LRRC56: variants seen among roughly 807,000 people sequenced by gnomAD.
LRRC56 encodes the protein leucine rich repeat containing 56.
Under a neutral mutation model 47.8 loss-of-function variants are expected in LRRC56, and 41 were observed. The observed-to-expected ratio is 0.86, with a 90% CI of 0.67 to 1.11. The LOEUF (loss-of-function observed/expected upper bound fraction) is 1.11, where lower values mean the gene tolerates loss of function less well. LRRC56 is among the 50% of genes most tolerant of loss of function. LRRC56 has a pLI of 0.00. For missense variants in LRRC56, 759 were observed against 704.2 expected (o/e 1.08, Z -0.88); for synonymous variants, 387 against 311.2 (o/e 1.24, Z -2.56).
In LRRC56 at chr11:554,353, C is replaced by T; in HGVS notation, c.*77C>T. 1 of 1,300,492 alleles carries T rather than the reference C, an allele frequency of 7.7e-7. No homozygotes were observed. The highest frequency in any genetic ancestry group is 1.5e-5 in the African/African-American group (1 of 65,818). 80.6% of individuals were successfully genotyped at this position (1,300,492 alleles called of 1,614,324 possible). On this transcript the variant is annotated 3_prime_UTR_variant, in exon 14 of 14. Transcript: ENST00000270115. ...TATGTGGTCACAGAGCACAGAATACCTGGGCGGGTGTGTTGGGGGGTGGAA... is the reference window on the plus strand; with the variant it reads ...TATGTGGTCACAGAGCACAGAATACTTGGGCGGGTGTGTTGGGGGGTGGAA...
intron 8 of LRRC56, 113 bp from the exon 9 acceptor site, chr11:551,018 G>A (rs1852353137): frequency 1.1e-5 from 7 of 614,328 alleles, no homozygotes; most frequent in Non-Finnish European, 2.8e-6. Flanking sequence ...CCCACCTCTG[G>A]GCCCCTGCCC....
chr11:535,064 G>A (rs1166318837), upstream of LRRC56, among the ~76,000 whole-genome samples: 1 of 152,034 alleles, frequency 6.6e-6, no homozygotes, highest in Non-Finnish European at 1.5e-5. Flanking sequence ...CTGAATCGGG[G>A]GTGCCCGGGC....
At chr11:531,715 A>G in the LRRC56 span, among the ~76,000 whole-genome samples, 1 of 152,224 alleles carries the variant, frequency 6.6e-6, no homozygotes, top group Non-Finnish European at 1.5e-5. Context: ...CCGACCACCA[A>G]TGAGGCAGAG....
Position 552,634 on chromosome 11 carries a change from G to A in LRRC56, c.1247G>A (p.Arg416Lys), listed in dbSNP as rs1852471571. 6.2e-7 allele frequency: 1 copy of A among 1,611,560 alleles called. No homozygotes were observed. The highest frequency in any genetic ancestry group is 1.1e-5 in the South Asian group (1 of 90,994). Reference protein sequence around the residue: ...EGAVAPWGPRRVPEEQVHQAE... With the variant: ...EGAVAPWGPRKVPEEQVHQAE... The stretch of plus-strand genomic sequence containing the variant: ...GCTGTAGCCCCCTGGGGCCCACGGA[G>A]GGTCCCTGAAGAGCAAGTGCACCAG... The change falls in exon 13 of 14, where the codon AGG becomes AAG. Residue 416 changes from arginine (R) to lysine (K), a missense_variant. By Grantham distance (26) the Arg-to-Lys change is conservative. Coordinates refer to ENST00000270115, the MANE Select transcript of LRRC56 (RefSeq NM_198075.4).
chr11:541,181 G>T lies in LRRC56; in HGVS notation c.177+320G>T, dbSNP rs975801310. On this transcript the variant is annotated intron_variant, in intron 4 of 13. Coordinates refer to ENST00000270115, the MANE Select transcript of LRRC56 (RefSeq NM_198075.4). The surrounding 1 kb of genome is among the most constrained non-coding windows in gnomAD (Gnocchi z 4.1). ...GCATCCATTATCCTCCAACCAAAGA[G>T]GGGGGTCCTTCACTCAAGCGGGAGA... Among the ~76,000 whole-genome samples the T allele has an allele frequency of 3.3e-5, 5 of 151,894 alleles. No individual in the cohort carries two copies. Among genetic ancestry groups the T allele is most frequent in the Non-Finnish European group, 5.9e-5 (4 of 68,020 alleles).
the LRRC56 span, among the ~76,000 whole-genome samples, chr11:520,841 C>T: frequency 5.9e-5 from 9 of 152,240 alleles, no homozygotes; most frequent in African/African-American, 2.2e-4. Flanking sequence ...GCCTTTCCTG[C>T]GCCTCTGAAC....
At chr11:516,402 A>C in the LRRC56 span, among the ~76,000 whole-genome samples, 1 of 152,110 alleles carries the variant, frequency 6.6e-6, no homozygotes, top group Admixed American at 6.6e-5. Context: ...CAAAAAAAAA[A>C]AAACCCAAAT....
chr11:531,200 G>A, the LRRC56 span, among the ~76,000 whole-genome samples: 1 of 152,058 alleles, frequency 6.6e-6, no homozygotes, highest in East Asian at 1.9e-4. Flanking sequence ...TGGAGAGAAG[G>A]GCGAGTGTGG....
the LRRC56 span, among the ~76,000 whole-genome samples, chr11:514,838 G>C: frequency 1.3e-5 from 2 of 152,058 alleles, no homozygotes; most frequent in Non-Finnish European, 2.9e-5. Context: ...GAACTGAACC[G>C]TGGTAACCCA....
chr11:509,265 A>G, the LRRC56 span, among the ~76,000 whole-genome samples: 1 of 152,252 alleles, frequency 6.6e-6, no homozygotes, highest in African/African-American at 2.4e-5. Context: ...GGATGCCGCC[A>G]GTCTGACTCC....
chr11:508,220 C>T, the LRRC56 span, among the ~76,000 whole-genome samples: 1 of 152,226 alleles, frequency 6.6e-6, no homozygotes, highest in East Asian at 1.9e-4. Context: ...GGCTGTACTG[C>T]AGTGGCGCGA....
rs1054292859 is a variant in LRRC56 at position 554,799 on chromosome 11, C to T, written c.*523C>T. 2.2e-5 allele frequency: 12 copies of T among 537,106 alleles called. No individual in the cohort carries two copies. Among genetic ancestry groups the T allele is most frequent in the Admixed American group, 1.2e-4 (3 of 24,992 alleles). The allele number at this position is 537,106 out of a possible 1,614,324, so 33.3% of individuals were successfully genotyped here. On this transcript the variant is annotated 3_prime_UTR_variant, in exon 14 of 14. Transcript: ENST00000270115. ...CCGCACTGCGATAGGGCGGCCCGTT[C>T]CCTCCTCTTGGCGCAGGACGCCCCG...
the LRRC56 span, among the ~76,000 whole-genome samples, chr11:525,364 C>G: frequency 6.6e-6 from 1 of 151,876 alleles, no homozygotes; most frequent in Non-Finnish European, 1.5e-5. Flanking sequence ...ACGGTGAAGC[C>G]CCATCTCTAC....
At chr11:533,798 G>A (rs765849763), upstream of LRRC56, 5 of 1,613,306 alleles carry the variant, frequency 3.1e-6, no homozygotes, top group African/African-American at 6.7e-5. Context: ...AAGACTTGGT[G>A]TTGTTGATGG....
chr11:515,962 T>C, the LRRC56 span, among the ~76,000 whole-genome samples: 2 of 152,238 alleles, frequency 1.3e-5, no homozygotes, highest in African/African-American at 4.8e-5. Context: ...CTCCTTTCTC[T>C]GCTGAATTTG....
At chr11:534,761 G>C (rs1369122648), upstream of LRRC56, among the ~76,000 whole-genome samples, 2 of 152,214 alleles carry the variant, frequency 1.3e-5, no homozygotes, top group African/African-American at 4.8e-5. Context: ...CGGCGTGCCC[G>C]GGCAGGCTAG....
In LRRC56 at chr11:552,395, A is replaced by G. The variant is rs571820743; in HGVS notation, c.1181+163A>G. Reference sequence around the variant, plus strand: ...GGGCTGGGGCTACCTTGGCTGAGTCATCGCTGGTCCCAAGGCTCGTGGACC... The same window carrying G: ...GGGCTGGGGCTACCTTGGCTGAGTCGTCGCTGGTCCCAAGGCTCGTGGACC... On this transcript the variant is annotated intron_variant, in intron 12 of 13. Transcript: ENST00000270115. 2.1e-5 allele frequency among the ~76,000 whole-genome samples: 3 copies of G among 142,376 alleles called. No homozygotes were observed. In the East Asian group the frequency reaches 6.2e-4, roughly 29 times the overall value. The allele number at this position is 142,376 out of a possible 152,430, so 93.4% of individuals were successfully genotyped here.
In LRRC56 at chr11:540,876, T is replaced by C. The variant is rs747568985; in HGVS notation, c.177+15T>C. 2.6e-6 allele frequency: 4 copies of C among 1,526,734 alleles called. No individual in the cohort carries two copies. In the Admixed American group the frequency reaches 6.3e-5, roughly 24 times the overall value. 94.6% of individuals were successfully genotyped at this position (1,526,734 alleles called of 1,614,324 possible). On this transcript the variant is annotated intron_variant, in intron 4 of 13. Coordinates refer to ENST00000270115, the MANE Select transcript of LRRC56 (RefSeq NM_198075.4). ...CTGCCCGGCTGGTGAGTGTGGGCGCTGGGGGCTGTGGCCACAGAGGCCTCC... is the reference window on the plus strand; with the variant it reads ...CTGCCCGGCTGGTGAGTGTGGGCGCCGGGGGCTGTGGCCACAGAGGCCTCC...
intron 12 of LRRC56, 86 bp from the exon 13 acceptor site, chr11:552,483 C>T (rs545250067): frequency 1.1e-4 from 139 of 1,312,052 alleles, no homozygotes; most frequent in East Asian, 3.0e-4. Context: ...GAGTCATCCC[C>T]AGTCCCAAGG....
Sources: allele counts gnomAD v4.1 joint callset (sites outside exome capture counted in the v4.1 genomes callset), GRCh38; gene constraint gnomAD v4.1.1; non-coding constraint Gnocchi (gnomAD v3.1); transcripts MANE v1.5; gene names NCBI Gene and HGNC (gene_info 2026-07-23, HGNC 2026-07-21).